WWOX: variants seen among roughly 807,000 people sequenced by gnomAD.
WWOX encodes the protein WW domain containing oxidoreductase.
A neutral mutation model predicts 46.2 loss-of-function variants in WWOX; 69 were observed. The observed-to-expected ratio is 1.49, with a 90% CI of 1.23 to 1.82. The LOEUF is 1.82. Ranked by LOEUF, WWOX falls within the 40% of genes most tolerant of loss-of-function variation. The pLI, the probability that WWOX is intolerant of heterozygous loss-of-function variation, is 0.00. For synonymous variants in WWOX, 359 were observed against 202.6 expected (o/e 1.77, Z -6.56); for missense variants, 919 against 542.6 (o/e 1.69, Z -6.89).
chr16:78,513,363 G>A (rs1002317485), intron 8 of WWOX, among the ~76,000 whole-genome samples: 9 of 152,306 alleles, frequency 5.9e-5, no homozygotes, highest in East Asian at 3.9e-4. Flanking sequence ...TTATTGGGTC[G>A]TAGGAAATAA....
intron 8 of WWOX, among the ~76,000 whole-genome samples, chr16:78,646,808 G>T (rs2046855214): frequency 6.6e-6 from 1 of 152,170 alleles, no homozygotes; most frequent in South Asian, 2.1e-4. Flanking sequence ...CAGGGACCAT[G>T]CCTAGAATCG....
intron 8 of WWOX, among the ~76,000 whole-genome samples, chr16:78,956,639 G>A (rs560052876): frequency 9.6e-5 from 14 of 145,666 alleles, no homozygotes; most frequent in African/African-American, 2.9e-4. Context: ...ATATCATACC[G>A]AATAATTTCA....
intron 8 of WWOX, among the ~76,000 whole-genome samples, chr16:78,466,847 C>CAA (rs111862787): frequency 0.025 from 3,613 of 146,492 alleles, 149 homozygotes; most frequent in African/African-American, 0.087. Context: ...GACTCCGTCT[C>CAA]AAAAAAAAAA....
chr16:78,213,130 A>T (rs1332944356), intron 5 of WWOX, among the ~76,000 whole-genome samples: 1 of 151,794 alleles, frequency 6.6e-6, no homozygotes, highest in African/African-American at 2.4e-5. Context: ...GTGCACCTGT[A>T]ATCCCAGCTA....
intron 5 of WWOX, among the ~76,000 whole-genome samples, chr16:78,182,610 C>G (rs1272116087): frequency 6.6e-6 from 1 of 152,032 alleles, no homozygotes; most frequent in Non-Finnish European, 1.5e-5. Flanking sequence ...ACCTTCTTCT[C>G]TGGGTCAGGT....
intron 5 of WWOX, among the ~76,000 whole-genome samples, chr16:78,231,868 C>A (rs184341270): frequency 6.7e-6 from 1 of 148,810 alleles, no homozygotes; most frequent in South Asian, 2.2e-4. Flanking sequence ...TTCTACTAGA[C>A]ATGTCAATTT....
In WWOX at chr16:78,945,240, C is replaced by G. The variant is rs559370439; in HGVS notation, c.1057-266368C>G. 9.2e-5 allele frequency among the ~76,000 whole-genome samples: 14 copies of G among 152,138 alleles called. 1 individual carries two copies. The South Asian group carries it at 2.7e-3, about 29-fold the overall frequency. ...CCTGTATATGTAGAACAAATGAAAA[C>G]CAAATAACAGTGGCACCAGTTCTTC... is the stretch of plus-strand genomic sequence containing the variant. On this transcript the variant is annotated intron_variant, in intron 8 of 8. Coordinates refer to ENST00000566780, the MANE Select transcript of WWOX (RefSeq NM_016373.4).
In WWOX at chr16:79,061,995, C is replaced by A. The variant is rs1243484504; in HGVS notation, c.1057-149613C>A. ...TGCCTGCATTCTTTTCACAGCCCCT[C>A]CCCACCTTAGAATCATTTTCTTCAA... On this transcript the variant is annotated intron_variant, in intron 8 of 8. Transcript: ENST00000566780. Among the ~76,000 whole-genome samples the A allele has an allele frequency of 1.3e-5, 2 of 152,162 alleles. 1 individual carries two copies. Among genetic ancestry groups the A allele is most frequent in the East Asian group, 3.9e-4 (2 of 5,184 alleles).
intron 8 of WWOX, among the ~76,000 whole-genome samples, chr16:78,654,231 A>AACCC (rs553658446): frequency 4.6e-4 from 70 of 152,330 alleles, no homozygotes; most frequent in African/African-American, 1.7e-3. Flanking sequence ...CAGCCCTGAA[A>AACCC]ACCCTGGTTT....
chr16:79,116,387 C>A (rs181554444), intron 8 of WWOX, among the ~76,000 whole-genome samples: 149 of 152,350 alleles, frequency 9.8e-4, no homozygotes, highest in African/African-American at 3.5e-3. Context: ...AAACTCGCCA[C>A]TGCTTTATCA....
chr16:78,818,483 C>G lies in WWOX; in HGVS notation c.1056+385731C>G, dbSNP rs538386675. Among the ~76,000 whole-genome samples, 3 of 152,326 alleles carry G rather than the reference C, an allele frequency of 2.0e-5. No homozygotes were observed. In the South Asian group the frequency reaches 6.2e-4, roughly 32 times the overall value. On this transcript the variant is annotated intron_variant, in intron 8 of 8. Transcript: ENST00000566780. ...CAGAGGCTCATGCCTGTAATCCCAGCACTTCGGGAGGCCACGGCAAGAGGA... is the reference window on the plus strand; with the variant it reads ...CAGAGGCTCATGCCTGTAATCCCAGGACTTCGGGAGGCCACGGCAAGAGGA...
intron 8 of WWOX, among the ~76,000 whole-genome samples, chr16:78,548,761 A>G (rs142411904): frequency 1.2e-4 from 19 of 152,180 alleles, no homozygotes; most frequent in African/African-American, 4.3e-4. Flanking sequence ...ACTTAGTGTA[A>G]TGGTTTAGTT....
intron 8 of WWOX, among the ~76,000 whole-genome samples, chr16:78,965,398 A>G (rs1480921604): frequency 3.3e-5 from 5 of 151,986 alleles, no homozygotes; most frequent in South Asian, 2.1e-4. Flanking sequence ...GTGAAACCCC[A>G]TCTGTACTGT....
At chr16:78,714,503 T>G (rs1433519812) in intron 8 of WWOX, among the ~76,000 whole-genome samples, 1 of 151,672 alleles carries the variant, frequency 6.6e-6, no homozygotes, top group Non-Finnish European at 1.5e-5. Flanking sequence ...GAGATACAAT[T>G]CAAGATGAGA....
chr16:78,723,071 A>G (rs987351427), intron 8 of WWOX, among the ~76,000 whole-genome samples: 2 of 152,124 alleles, frequency 1.3e-5, no homozygotes, highest in African/African-American at 4.8e-5. Flanking sequence ...GGAAGCCAGG[A>G]ATGATGAGTA....
chr16:79,195,307 G>C (rs1465918995), intron 8 of WWOX, among the ~76,000 whole-genome samples: 1 of 152,112 alleles, frequency 6.6e-6, no homozygotes, highest in Non-Finnish European at 1.5e-5. Context: ...GGATTGAGCT[G>C]TGCTGTGGGA....
intron 5 of WWOX, among the ~76,000 whole-genome samples, chr16:78,252,995 T>G (rs1050749421): frequency 6.6e-6 from 1 of 152,222 alleles, no homozygotes; most frequent in Non-Finnish European, 1.5e-5. Flanking sequence ...GTGGCAGTAA[T>G]ATCATCTATT....
chr16:78,412,898 G>T (rs182034304), intron 6 of WWOX, among the ~76,000 whole-genome samples: 192 of 152,322 alleles, frequency 1.3e-3, no homozygotes, highest in African/African-American at 4.4e-3. Flanking sequence ...TAGGTCAAGT[G>T]AATGTCCTTT....
At chr16:78,847,117 C>T (rs1227679624) in intron 8 of WWOX, among the ~76,000 whole-genome samples, 1 of 152,176 alleles carries the variant, frequency 6.6e-6, no homozygotes, top group South Asian at 2.1e-4. Flanking sequence ...TTGGACTTCC[C>T]TGCCTCAGTC....
Sources: gnomAD v4.1 joint callset for allele counts (sites outside exome capture counted in the v4.1 genomes callset) on GRCh38, gnomAD v4.1.1 for gene constraint, MANE v1.5 for transcripts, NCBI Gene and HGNC (gene_info 2026-07-23, HGNC 2026-07-21) for gene names.